DELE1: variants seen among roughly 807,000 people sequenced by gnomAD.
DELE1 encodes the protein DAP3 binding cell death enhancer 1.
DELE1 carries 54 observed loss-of-function variants against 59.3 expected under a neutral mutation model. That is an observed-to-expected ratio of 0.91 (90% confidence interval 0.73 to 1.14). DELE1 has a LOEUF of 1.14. Ranked by LOEUF, DELE1 falls within the 50% of genes most tolerant of loss-of-function variation. The probability of loss-of-function intolerance (pLI) is 0.00; values close to 1 mark genes in which losing one functional copy is unlikely to be tolerated. For missense variants in DELE1, 636 were observed against 643.9 expected (o/e 0.99, Z 0.13); for synonymous variants, 264 against 259.1 (o/e 1.02, Z -0.18).
intron 2 of DELE1, among the ~76,000 whole-genome samples, chr5:141,925,086 C>T (rs549391192): frequency 6.6e-6 from 1 of 150,786 alleles, no homozygotes; most frequent in Non-Finnish European, 1.5e-5. Context: ...CACCATCACG[C>T]CTGGCTAATT....
At position 141,933,457 on chromosome 5, in the gene DELE1, A is replaced by T. The variant is rs900878691; in HGVS notation, c.897+56A>T. On this transcript the variant is annotated intron_variant, in intron 8 of 11. Transcript: ENST00000432126. ...TGCTGGGCTGCTGAGATTGATGTCT[A>T]GAAATGAGCAGTGGGCAGGGATGGG... 3 of 1,322,468 alleles carry T rather than the reference A, an allele frequency of 2.3e-6. No individual in the cohort carries two copies. In the African/African-American group the frequency reaches 4.5e-5, roughly 20 times the overall value. The allele number at this position is 1,322,468 out of a possible 1,614,324, so 81.9% of individuals were successfully genotyped here.
At chr5:141,933,042 C>T (rs1752038191) in intron 7 of DELE1, among the ~76,000 whole-genome samples, 1 of 145,210 alleles carries the variant, frequency 6.9e-6, no homozygotes, top group East Asian at 2.0e-4. Flanking sequence ...TTGTAGTGAG[C>T]TGAGATTGCG....
Position 141,934,233 on chromosome 5 carries a change from GC to G in DELE1, c.898-3del, listed in dbSNP as rs775476267. On this transcript the variant is annotated splice_region_variant and splice_polypyrimidine_tract_variant and intron_variant, in intron 8 of 11. Coordinates refer to ENST00000432126, the MANE Select transcript of DELE1 (RefSeq NM_014773.5). The stretch of plus-strand genomic sequence containing the variant: ...CAGCCGACTGGGTGTTTCTCCCTTT[GC>G]CCCAGGCGGTCCTTTATTATCAGTT... 6.3e-7 allele frequency: 1 copy of G among 1,599,912 alleles called. No individual in the cohort carries two copies. Among genetic ancestry groups the G allele is most frequent in the East Asian group, 2.2e-5 (1 of 44,538 alleles).
chr5:141,937,752 C>T lies in DELE1; in HGVS notation c.1309+395C>T, dbSNP rs1466941784. ...CGCCATTGCACTCCAGCCTGGGTGA[C>T]AGAGCAAGATTCTGTTTCAAAAAAA... On this transcript the variant is annotated intron_variant, in intron 11 of 11. Coordinates refer to ENST00000432126, the MANE Select transcript of DELE1 (RefSeq NM_014773.5). Among the ~76,000 whole-genome samples, 3 of 84,166 alleles carry T rather than the reference C, an allele frequency of 3.6e-5. No homozygotes were observed. The Admixed American group carries it at 5.2e-4, about 15-fold the overall frequency. The allele number at this position is 84,166 out of a possible 152,430, so 55.2% of individuals were successfully genotyped here.
In DELE1 at chr5:141,926,073, T is replaced by C. The variant is rs139632236; in HGVS notation, c.264+546T>C. On this transcript the variant is annotated intron_variant, in intron 3 of 11. Coordinates refer to ENST00000432126, the MANE Select transcript of DELE1 (RefSeq NM_014773.5). Reference sequence around the variant, plus strand: ...TTTTGTGTTTTTAGTAGAGACGGGGTTTCACCATTTTGGCCAGGATGGTCT... The same window carrying C: ...TTTTGTGTTTTTAGTAGAGACGGGGCTTCACCATTTTGGCCAGGATGGTCT... Among the ~76,000 whole-genome samples the C allele has an allele frequency of 2.9e-3, 437 of 151,952 alleles. 2 individuals carry two copies. The highest frequency in any genetic ancestry group is 9.7e-3 in the African/African-American group (402 of 41,432).
chr5:141,936,668 C>T lies in DELE1; in HGVS notation c.1150-530C>T, dbSNP rs150058135. ...CAGACTGGTCTCCAACTCATGACCT[C>T]GTGATCTGCCCACCTTGCCCTCCCA... On this transcript the variant is annotated intron_variant, in intron 10 of 11. Transcript: ENST00000432126. Among the ~76,000 whole-genome samples the T allele has an allele frequency of 7.9e-5, 12 of 152,242 alleles. No homozygotes were observed. In the East Asian group the frequency reaches 2.1e-3, roughly 27 times the overall value.
intron 8 of DELE1, 52 bp downstream of exon 8, chr5:141,933,453 G>A (rs749706079): frequency 6.7e-6 from 9 of 1,346,538 alleles, no homozygotes; most frequent in Admixed American, 4.7e-5. Flanking sequence ...TGAGATTGAT[G>A]TCTAGAAATG....
rs982227391 is a variant in DELE1 at position 141,941,345 on chromosome 5, C to T, written c.*2586C>T. The T allele has an allele frequency of 1.0e-6, 1 of 985,352 alleles. No homozygotes were observed. Among genetic ancestry groups the T allele is most frequent in the Non-Finnish European group, 1.2e-6 (1 of 830,064 alleles). The allele number at this position is 985,352 out of a possible 1,614,324, so 61.0% of individuals were successfully genotyped here. ...TGGGGGTAGGATATTTTTAAGCTCT[C>T]CAATTTAAAAAGGAAGGGCCTCTCC... On this transcript the variant is annotated 3_prime_UTR_variant, in exon 12 of 12. Coordinates refer to ENST00000432126, the MANE Select transcript of DELE1 (RefSeq NM_014773.5).
Position 141,929,697 on chromosome 5 carries a change from C to T in DELE1, c.528C>T (p.His176=), listed in dbSNP as rs1751734497. Residue 176 remains histidine, a synonymous_variant, in exon 5 of 12, where the codon CAC becomes CAT. Transcript: ENST00000432126. The part of the protein sequence containing the change: ...EASAQPRNFS[H]NSLRGARPQD... ...CAGCTCAGCCCCGGAACTTCTCACA[C>T]AACTCTTTGAGAGGAGCTCGTCCTC... 6.2e-7 allele frequency: 1 copy of T among 1,614,106 alleles called. No homozygotes were observed. Among genetic ancestry groups the T allele is most frequent in the South Asian group, 1.1e-5 (1 of 91,090 alleles).
chr5:141,931,534 A>T (rs534816543), intron 7 of DELE1, among the ~76,000 whole-genome samples: 2 of 152,298 alleles, frequency 1.3e-5, no homozygotes, highest in South Asian at 2.1e-4. Context: ...GCCGGGGGGA[A>T]AAAGGAGACG....
chr5:141,928,363 C>A, intron 4 of DELE1, 65 bp downstream of exon 4: 1 of 1,528,754 alleles, frequency 6.5e-7, no homozygotes, highest in Non-Finnish European at 8.8e-7. Flanking sequence ...GGAAGCGTCT[C>A]TGGACACACC....
At position 141,939,236 on chromosome 5, in the gene DELE1, A is replaced by G. The variant is rs1343883356; in HGVS notation, c.*477A>G. ...TATATATTTAATGTATAATATAAAA[A>G]TATGATTAGCATATTGACCTGTAGT... On this transcript the variant is annotated 3_prime_UTR_variant, in exon 12 of 12. Coordinates refer to ENST00000432126, the MANE Select transcript of DELE1 (RefSeq NM_014773.5). 2 of 594,022 alleles carry G rather than the reference A, an allele frequency of 3.4e-6. No individual in the cohort carries two copies. Among genetic ancestry groups the G allele is most frequent in the African/African-American group, 4.0e-5 (2 of 49,414 alleles). The allele number at this position is 594,022 out of a possible 1,614,324, so 36.8% of individuals were successfully genotyped here.
chr5:141,941,915 C>T lies in DELE1; in HGVS notation c.*3156C>T, dbSNP rs181617766. The T allele has an allele frequency of 1.0e-4, 103 of 985,304 alleles. 1 individual carries two copies. The Middle Eastern group carries it at 2.1e-3, about 20-fold the overall frequency. The allele number at this position is 985,304 out of a possible 1,614,324, so 61.0% of individuals were successfully genotyped here. ...AATTTGAATGAATAATTTTAAATAA[C>T]TTGAATGAATAATTCTGTATTGCCC... On this transcript the variant is annotated 3_prime_UTR_variant, in exon 12 of 12. Transcript: ENST00000432126.
chr5:141,928,404 C>G, intron 4 of DELE1, 106 bp downstream of exon 4: 1 of 1,327,890 alleles, frequency 7.5e-7, no homozygotes, highest in Non-Finnish European at 1.0e-6. Context: ...AGCTCCTTGC[C>G]TTTCCTATCT....
chr5:141,934,474 T>G lies in DELE1; in HGVS notation c.1057-20T>G. The G allele has an allele frequency of 1.2e-6, 2 of 1,614,224 alleles. No homozygotes were observed. The highest frequency in any genetic ancestry group is 1.7e-6 in the Non-Finnish European group (2 of 1,180,008). On this transcript the variant is annotated intron_variant, in intron 9 of 11. Transcript: ENST00000432126. ...TGAAAGTGACCAAGATGCCTTCTTT[T>G]CCTTCCTCCTTGACCACAGGCCCAA...
chr5:141,933,117 T>C (rs763601711), intron 7 of DELE1, 142 bp from the exon 8 acceptor site: 1 of 150,666 alleles, frequency 6.6e-6, no homozygotes, highest in South Asian at 2.2e-4. Flanking sequence ...AAAAAATATA[T>C]ATATATATAT....
chr5:141,924,720 C>T, intron 2 of DELE1, 25 bp downstream of exon 2: 1 of 1,365,012 alleles, frequency 7.3e-7, no homozygotes, highest in Non-Finnish European at 1.0e-6. Flanking sequence ...TTTTACCACT[C>T]ATTTCCTCCC....
Position 141,939,871 on chromosome 5 carries a change from T to C in DELE1, c.*1112T>C. ...CCACAGAGAGGACCTTTGTGCTCAC[T>C]TTGGCCCAGGAGGCAGTGATGCTCA... On this transcript the variant is annotated 3_prime_UTR_variant, in exon 12 of 12. Coordinates refer to ENST00000432126, the MANE Select transcript of DELE1 (RefSeq NM_014773.5). 1.7e-6 allele frequency: 1 copy of C among 593,978 alleles called. No individual in the cohort carries two copies. The highest frequency in any genetic ancestry group is 2.1e-6 in the Non-Finnish European group (1 of 472,776). The allele number at this position is 593,978 out of a possible 1,614,324, so 36.8% of individuals were successfully genotyped here.
At position 141,933,195 on chromosome 5, in the gene DELE1, C is replaced by T. The variant is rs1186737881; in HGVS notation, c.755-64C>T. ...GGATCAGATGAGGAGTCTGTAGGTA[C>T]CTGGCTGAGGGTGTGGGGAAGTTCA... is the stretch of plus-strand genomic sequence containing the variant. On this transcript the variant is annotated intron_variant, in intron 7 of 11. Coordinates refer to ENST00000432126, the MANE Select transcript of DELE1 (RefSeq NM_014773.5). 4 of 1,362,756 alleles carry T rather than the reference C, an allele frequency of 2.9e-6. No homozygotes were observed. In the South Asian group the frequency reaches 5.3e-5, roughly 18 times the overall value. The allele number at this position is 1,362,756 out of a possible 1,614,324, so 84.4% of individuals were successfully genotyped here.
Sources: allele counts gnomAD v4.1 joint callset (sites outside exome capture counted in the v4.1 genomes callset), GRCh38; gene constraint gnomAD v4.1.1; transcripts MANE v1.5; gene names NCBI Gene and HGNC (gene_info 2026-07-23, HGNC 2026-07-21).